TRHDE: variants seen among roughly 807,000 people sequenced by gnomAD.
The protein encoded by TRHDE is thyrotropin releasing hormone degrading enzyme.
In TRHDE, 72 loss-of-function variants were observed where a neutral mutation model predicts 125.7. The observed-to-expected ratio is 0.57, with a 90% CI of 0.47 to 0.70. The LOEUF (loss-of-function observed/expected upper bound fraction) is 0.70, where lower values mean the gene tolerates loss of function less well. TRHDE is among the 30% of genes least tolerant of loss of function. The probability of loss-of-function intolerance (pLI) is 0.00; values close to 1 mark genes in which losing one functional copy is unlikely to be tolerated. For synonymous variants in TRHDE, 509 were observed against 509.1 expected (o/e 1.00, Z 0.00); for missense variants, 1,110 against 1,327.1 (o/e 0.84, Z 2.54).
chr12:72,260,892 G>T (rs1878936333), intron 2 of TRHDE, among the ~76,000 whole-genome samples: 1 of 152,130 alleles, frequency 6.6e-6, no homozygotes, highest in Admixed American at 6.5e-5. Context: ...TAGTAGAAAG[G>T]AATCATGCCA....
At chr12:72,327,248 A>G (rs1419673645) in intron 2 of TRHDE, among the ~76,000 whole-genome samples, 1 of 152,110 alleles carries the variant, frequency 6.6e-6, no homozygotes, top group Non-Finnish European at 1.5e-5. Context: ...CGAGTTAGGG[A>G]GCCTTTTCTT....
chr12:72,432,636 T>C (rs1031398834), intron 3 of TRHDE, among the ~76,000 whole-genome samples: 1 of 152,094 alleles, frequency 6.6e-6, no homozygotes, highest in Non-Finnish European at 1.5e-5. Context: ...TCATCAAACA[T>C]TTGAAGCCTG....
intron 3 of TRHDE, among the ~76,000 whole-genome samples, chr12:72,469,426 G>A (rs754128269): frequency 1.3e-5 from 2 of 152,116 alleles, no homozygotes; most frequent in East Asian, 3.8e-4. Flanking sequence ...AAGGCACAAC[G>A]CCTTTGCCTC....
At chr12:72,377,866 A>G in intron 2 of TRHDE, 129 bp from the exon 3 acceptor site, 1 of 582,494 alleles carries the variant, frequency 1.7e-6, no homozygotes. Flanking sequence ...GCTTTGATAT[A>G]GTGTATGAAC....
At chr12:72,463,629 A>T (rs1194764158) in intron 3 of TRHDE, among the ~76,000 whole-genome samples, 1 of 152,174 alleles carries the variant, frequency 6.6e-6, no homozygotes, top group Non-Finnish European at 1.5e-5. Context: ...GCTGGAGGAT[A>T]CCAGACTCTT....
intron 2 of TRHDE, among the ~76,000 whole-genome samples, chr12:72,239,997 T>C (rs1363026852): frequency 6.6e-6 from 1 of 152,196 alleles, no homozygotes; most frequent in East Asian, 1.9e-4. Context: ...AATTTTTGTA[T>C]AGTTTTACTG....
chr12:72,298,478 T>G (rs1445581622), intron 2 of TRHDE, among the ~76,000 whole-genome samples: 1 of 152,228 alleles, frequency 6.6e-6, no homozygotes, highest in Non-Finnish European at 1.5e-5. Flanking sequence ...GTTTTTATTT[T>G]TTGACTTTCT....
chr12:72,447,602 T>C (rs2135865157), intron 3 of TRHDE, among the ~76,000 whole-genome samples: 1 of 152,176 alleles, frequency 6.6e-6, no homozygotes, highest in South Asian at 2.1e-4. Flanking sequence ...TGATGGTGAC[T>C]CTGATACACA....
chr12:72,337,452 C>A (rs954548933), intron 2 of TRHDE, among the ~76,000 whole-genome samples: 2 of 152,174 alleles, frequency 1.3e-5, no homozygotes, highest in Admixed American at 6.5e-5. Context: ...AGAAGTAAAT[C>A]TAAAACTTCA....
intron 3 of TRHDE, among the ~76,000 whole-genome samples, chr12:72,456,481 A>T (rs1365308039): frequency 6.6e-6 from 1 of 152,182 alleles, no homozygotes; most frequent in Non-Finnish European, 1.5e-5. Flanking sequence ...ATAGTATATT[A>T]GGAGGACAAG....
chr12:72,331,768 A>G (rs932839069), intron 2 of TRHDE, among the ~76,000 whole-genome samples: 2 of 152,210 alleles, frequency 1.3e-5, no homozygotes, highest in Admixed American at 1.3e-4. Context: ...AGAGGTGGGA[A>G]GATAGGCATG....
At chr12:72,350,000 C>G (rs1870507712) in intron 2 of TRHDE, among the ~76,000 whole-genome samples, 1 of 151,876 alleles carries the variant, frequency 6.6e-6, no homozygotes, top group Non-Finnish European at 1.5e-5. Flanking sequence ...CATTCCTTTT[C>G]TTCGATTGAT....
intron 2 of TRHDE, among the ~76,000 whole-genome samples, chr12:72,340,265 A>G (rs534944957): frequency 6.1e-4 from 93 of 152,158 alleles, no homozygotes; most frequent in Non-Finnish European, 1.2e-3. Context: ...ACACAATCCA[A>G]CTACCCAGAT....
intron 2 of TRHDE, among the ~76,000 whole-genome samples, chr12:72,202,173 C>G (rs1877572614): frequency 6.6e-6 from 1 of 152,078 alleles, no homozygotes; most frequent in African/African-American, 2.4e-5. Flanking sequence ...TTAGATGTGC[C>G]TGGGTTCTTG....
At position 72,183,963 on chromosome 12, in the gene TRHDE, A is replaced by G. The variant is rs111690011; in HGVS notation, n.279+78211A>G. On this transcript the variant is annotated intron_variant and non_coding_transcript_variant, in intron 2 of 4. Coordinates refer to the TRHDE transcript ENST00000548156. ...TCACTCAAAAATAAAAACCAGTGGA[A>G]AGTGTATATCAGCCTTCAAATTTGT... is the stretch of plus-strand genomic sequence containing the variant. 2.9e-3 allele frequency among the ~76,000 whole-genome samples: 449 copies of G among 152,316 alleles called. 4 individuals are homozygous for G. The highest frequency in any genetic ancestry group is 1.0e-2 in the African/African-American group (414 of 41,568).
intron 6 of TRHDE, among the ~76,000 whole-genome samples, chr12:72,520,349 C>T (rs1879127455): frequency 6.6e-6 from 1 of 152,190 alleles, no homozygotes; most frequent in Non-Finnish European, 1.5e-5. Flanking sequence ...CGTGGTGCGC[C>T]ATTTTTTAAG....
intron 12 of TRHDE, among the ~76,000 whole-genome samples, chr12:72,603,047 C>T (rs912019807): frequency 6.6e-6 from 1 of 152,116 alleles, no homozygotes. Context: ...ATATACCCAT[C>T]TATGTGAGTT....
At chr12:72,411,718 T>C (rs1873518173) in intron 3 of TRHDE, among the ~76,000 whole-genome samples, 2 of 152,052 alleles carry the variant, frequency 1.3e-5, no homozygotes, top group African/African-American at 2.4e-5. Flanking sequence ...ATGGGAAGAA[T>C]TGACTTATCA....
chr12:72,593,182 G>A (rs1871767772), intron 12 of TRHDE, among the ~76,000 whole-genome samples: 1 of 152,126 alleles, frequency 6.6e-6, no homozygotes, highest in Non-Finnish European at 1.5e-5. Context: ...GAAAGGCTGT[G>A]TTTCCACATG....
Sources: allele counts gnomAD v4.1 joint callset (sites outside exome capture counted in the v4.1 genomes callset), GRCh38; gene constraint gnomAD v4.1.1; transcripts MANE v1.5; gene names NCBI Gene and HGNC (gene_info 2026-07-23, HGNC 2026-07-21).